Variants in FILIP1L observed in about 807,000 individuals in gnomAD.
FILIP1L encodes filamin A-interacting protein 1-like.
In FILIP1L, 55 loss-of-function variants were observed where a neutral mutation model predicts 96.6. That is an observed-to-expected ratio of 0.57 (90% CI 0.46 to 0.71). FILIP1L has a LOEUF of 0.71. Among genes scored for constraint, FILIP1L ranks in the 30% least tolerant of loss-of-function variants. The pLI is 0.00. For missense variants in FILIP1L, 1,304 were observed against 1,321.2 expected (o/e 0.99, Z 0.20); for synonymous variants, 467 against 473.9 (o/e 0.99, Z 0.19).
intron 4 of FILIP1L, among the ~76,000 whole-genome samples, chr3:99,900,229 C>G (rs1292021085): frequency 6.6e-6 from 1 of 152,030 alleles, no homozygotes; most frequent in Non-Finnish European, 1.5e-5. Flanking sequence ...ACTCAACCTC[C>G]TTGAGTTTGA....
intron 1 of FILIP1L, among the ~76,000 whole-genome samples, chr3:99,941,267 A>G (rs1211966699): frequency 6.6e-6 from 1 of 152,184 alleles, no homozygotes; most frequent in Non-Finnish European, 1.5e-5. Flanking sequence ...TATAAAGCTC[A>G]CAGCTTATTA....
intron 4 of FILIP1L, among the ~76,000 whole-genome samples, chr3:99,885,513 A>T (rs1311394091): frequency 6.6e-6 from 1 of 152,216 alleles, no homozygotes; most frequent in Non-Finnish European, 1.5e-5. Flanking sequence ...AAACTCAAGG[A>T]TTTAAAATTT....
chr3:99,957,713 T>TTTTTTTTTTTTTTTTTTTTTTTG (rs1708370957), intron 1 of FILIP1L, among the ~76,000 whole-genome samples: 1 of 131,556 alleles, frequency 7.6e-6, no homozygotes, highest in Non-Finnish European at 1.6e-5. Context: ...TTTTTTTTTT[T>TTTTTTTTTTTTTTTTTTTTTTTG]TTTTTTTTGG....
At chr3:99,987,465 G>A (rs576442461) in intron 1 of FILIP1L, among the ~76,000 whole-genome samples, 82 of 149,996 alleles carry the variant, frequency 5.5e-4, no homozygotes, top group African/African-American at 1.9e-3. Context: ...GGAGGCAGAG[G>A]TTGCAGTGAG....
intron 1 of FILIP1L, among the ~76,000 whole-genome samples, chr3:99,980,780 C>T (rs1209123551): frequency 1.3e-5 from 2 of 152,086 alleles, no homozygotes; most frequent in Non-Finnish European, 2.9e-5. Flanking sequence ...ACAGGTGTGA[C>T]TTGTTTAAAA....
intron 1 of FILIP1L, among the ~76,000 whole-genome samples, chr3:100,007,711 G>A (rs893635976): frequency 1.3e-5 from 2 of 152,176 alleles, no homozygotes; most frequent in South Asian, 2.1e-4. Flanking sequence ...CTACAGTATC[G>A]TGTAGGCAAA....
chr3:99,957,693 C>CTTTTTTGTTTTTTTTTTTTTTT (rs1708365179), intron 1 of FILIP1L, among the ~76,000 whole-genome samples: 1 of 19,894 alleles, frequency 5.0e-5, no homozygotes, highest in Non-Finnish European at 1.1e-4. Context: ...TTCTTTCTTT[C>CTTTTTTGTTTTTTTTTTTTTTT]TTTTTTTTTT....
intron 1 of FILIP1L, among the ~76,000 whole-genome samples, chr3:100,030,315 A>C (rs968991953): frequency 1.3e-5 from 2 of 152,196 alleles, no homozygotes; most frequent in African/African-American, 4.8e-5. Flanking sequence ...GTCAGTGATC[A>C]GGCCAAAACT....
At position 99,846,901 on chromosome 3, in the gene FILIP1L, T is replaced by G. The variant is rs1482429203; in HGVS notation, c.3381+1394A>C. On this transcript the variant is annotated intron_variant, in intron 5 of 5. Transcript: ENST00000477258. ...AAAGGGAAATGGCAATAAGCTACTT[T>G]GTCTGAAATCGTCGTTTTGGAATGT... Among the ~76,000 whole-genome samples, 3 of 152,232 alleles carry G rather than the reference T, an allele frequency of 2.0e-5. No individual in the cohort carries two copies. The East Asian group carries it at 5.8e-4, about 29-fold the overall frequency.
intron 5 of FILIP1L, among the ~76,000 whole-genome samples, chr3:99,841,002 A>G (rs779658731): frequency 1.2e-4 from 18 of 152,228 alleles, no homozygotes; most frequent in Non-Finnish European, 2.4e-4. Context: ...TGCCCAGGTT[A>G]ATAAGCTCTT....
At chr3:100,109,415 A>G (rs911525894) in intron 1 of FILIP1L, among the ~76,000 whole-genome samples, 2 of 152,196 alleles carry the variant, frequency 1.3e-5, no homozygotes, top group Non-Finnish European at 2.9e-5. Context: ...TGTAACCACC[A>G]TTATAGTCAA....
At chr3:99,899,021 C>T (rs896467847) in intron 4 of FILIP1L, among the ~76,000 whole-genome samples, 2 of 151,952 alleles carry the variant, frequency 1.3e-5, no homozygotes, top group Non-Finnish European at 2.9e-5. Flanking sequence ...CTGGAACACA[C>T]ATACTGAAAA....
intron 1 of FILIP1L, among the ~76,000 whole-genome samples, chr3:100,073,825 C>G (rs936214007): frequency 1.3e-5 from 2 of 152,116 alleles, no homozygotes; most frequent in African/African-American, 4.8e-5. Context: ...AAGAATCTTT[C>G]CACTCACTCT....
chr3:100,090,290 A>G (rs1243928170), intron 1 of FILIP1L, among the ~76,000 whole-genome samples: 1 of 152,232 alleles, frequency 6.6e-6, no homozygotes, highest in Non-Finnish European at 1.5e-5. Context: ...TGAGTCTTTA[A>G]GATAGTCAAG....
At chr3:99,984,423 A>T (rs1253074366) in intron 1 of FILIP1L, among the ~76,000 whole-genome samples, 2 of 152,236 alleles carry the variant, frequency 1.3e-5, no homozygotes, top group East Asian at 1.9e-4. Flanking sequence ...GTTAGTCTGC[A>T]TTAGCTCATG....
intron 4 of FILIP1L, among the ~76,000 whole-genome samples, chr3:99,869,789 A>G (rs1189889767): frequency 1.3e-5 from 2 of 152,250 alleles, no homozygotes; most frequent in East Asian, 3.8e-4. Context: ...CATTTTAAAA[A>G]GAAAGAGAAA....
In FILIP1L at chr3:99,924,410, T is replaced by C; in HGVS notation, c.427-2A>G. Reference sequence around the variant, plus strand: ...ATGTTTTTCCACAACTTTGTCCAACTACGAAAGAAAACATTTATAGCCTGT... The same window carrying C: ...ATGTTTTTCCACAACTTTGTCCAACCACGAAAGAAAACATTTATAGCCTGT... On this transcript the variant is annotated splice_acceptor_variant, in intron 3 of 5. Coordinates refer to ENST00000477258, the MANE Select transcript of FILIP1L (RefSeq NM_001387850.1). LOFTEE classifies it high-confidence loss of function. 1.9e-6 allele frequency: 3 copies of C among 1,613,582 alleles called. No homozygotes were observed. Among genetic ancestry groups the C allele is most frequent in the Non-Finnish European group, 2.5e-6 (3 of 1,179,766 alleles).
chr3:99,830,397 C>A lies in FILIP1L; in HGVS notation c.*17G>T. The stretch of plus-strand genomic sequence containing the variant: ...ATTTCTGTAGATGAATGTATCCAGG[C>A]AGTGCATTGGTATGAGTTACCTTCT... On this transcript the variant is annotated 3_prime_UTR_variant, in exon 6 of 6. Transcript: ENST00000477258. 3 of 411,832 alleles carry A rather than the reference C, an allele frequency of 7.3e-6. No individual in the cohort carries two copies. Among genetic ancestry groups the A allele is most frequent in the South Asian group, 1.8e-5 (1 of 56,776 alleles). The allele number at this position is 411,832 out of a possible 1,614,324, so 25.5% of individuals were successfully genotyped here. A position where few individuals can be genotyped will look rare whatever the true frequency, so the allele number is the denominator to read the frequency against.
At chr3:99,933,897 C>A (rs1353936109) in intron 1 of FILIP1L, among the ~76,000 whole-genome samples, 1 of 152,122 alleles carries the variant, frequency 6.6e-6, no homozygotes, top group Non-Finnish European at 1.5e-5. Flanking sequence ...AACAAACAAC[C>A]CCAAAACTTG....
Sources: gnomAD v4.1 joint callset for allele counts (sites outside exome capture counted in the v4.1 genomes callset) on GRCh38, gnomAD v4.1.1 for gene constraint, MANE v1.5 for transcripts, NCBI Gene and HGNC (gene_info 2026-07-23, HGNC 2026-07-21) for gene names.